Variants in ATP7A observed in about 807,000 individuals in gnomAD.
ATP7A encodes the protein ATPase copper transporting alpha, also known as copper-transporting ATPase 1.
A neutral mutation model predicts 83.5 loss-of-function variants in ATP7A; 7 were observed. That is an observed-to-expected ratio of 0.08 (90% CI 0.05 to 0.16). The LOEUF (loss-of-function observed/expected upper bound fraction) is 0.16. Among genes scored for constraint, ATP7A ranks in the 10% least tolerant of loss-of-function variants. The pLI, the probability that ATP7A is intolerant of heterozygous loss-of-function variation, is 1.00. For synonymous variants in ATP7A, 354 were observed against 395.2 expected, an observed-to-expected ratio of 0.90 and a Z score of 1.24; for missense variants, 940 against 1,120.8, an observed-to-expected ratio of 0.84 and a Z score of 2.30.
chrX:77,957,110 T>C (rs2077449517), intron 1 of ATP7A, among the ~76,000 whole-genome samples: 1 of 111,647 alleles, frequency 9.0e-6, no homozygotes, highest in African/African-American at 3.3e-5. Context: ...TATTTCTTTA[T>C]AGCAATATAA....
intron 1 of ATP7A, among the ~76,000 whole-genome samples, chrX:77,961,453 T>G (rs999103128): frequency 8.9e-6 from 1 of 112,093 alleles, no homozygotes; most frequent in South Asian, 3.7e-4. Context: ...TTGAATTTGA[T>G]GTTTTCCCAT....
intron 7 of ATP7A, among the ~76,000 whole-genome samples, chrX:78,010,714 G>A (rs968734199): frequency 1.3e-4 from 14 of 106,733 alleles, no homozygotes; most frequent in African/African-American, 4.1e-4. Flanking sequence ...CGAGCAGCTG[G>A]GATTACAGGC....
chrX:77,981,426 C>T (rs2077604965), intron 2 of ATP7A, among the ~76,000 whole-genome samples: 1 of 112,081 alleles, frequency 8.9e-6, no homozygotes, highest in Non-Finnish European at 1.9e-5. Context: ...TAAAGAGGGA[C>T]TTTCACTATT....
intron 1 of ATP7A, chrX:77,924,442 T>C (rs1413186644): frequency 9.0e-6 from 1 of 111,455 alleles, no homozygotes; most frequent in Non-Finnish European, 1.9e-5. Flanking sequence ...AACCTGCCAG[T>C]TGAAAATTCT....
intron 18 of ATP7A, among the ~76,000 whole-genome samples, chrX:78,040,207 C>A (rs1200797821): frequency 2.9e-5 from 3 of 102,891 alleles, no homozygotes; most frequent in Admixed American, 1.1e-4. Flanking sequence ...CTGCCCCCCC[C>A]CCCTTACCTT....
rs528008637 is a variant in ATP7A, at chrX:77,957,773, T to G, written c.-21-13848T>G. ...AGTAGTTTCATAGTTTCAGATTTTATATTTAAGCATTTAATCCATTTTGAG... is the reference window on the plus strand; with the variant it reads ...AGTAGTTTCATAGTTTCAGATTTTAGATTTAAGCATTTAATCCATTTTGAG... On this transcript the variant is annotated intron_variant, in intron 1 of 22. Transcript: ENST00000341514. Among the ~76,000 whole-genome samples the G allele has an allele frequency of 5.4e-5, 6 of 111,521 alleles. No homozygotes were observed. The East Asian group carries it at 1.1e-3, about 21-fold the overall frequency.
rs1790288220 is a variant in ATP7A at position 78,046,912 on chromosome X, A to G, written c.*342A>G. 5.3e-6 allele frequency: 1 copy of G among 189,691 alleles called. No individual in the cohort carries two copies. Among genetic ancestry groups the G allele is most frequent in the African/African-American group, 3.1e-5 (1 of 32,369 alleles). 15.6% of individuals were successfully genotyped at this position (189,691 alleles called of 1,213,427 possible). On this transcript the variant is annotated 3_prime_UTR_variant, in exon 23 of 23. Transcript: ENST00000341514. ...CCAAAAAAAAAAAGGCCCAAGAAGA[A>G]GAAAATGAAAAATTTGAAGATTTGA...
In ATP7A at chrX:78,009,219, G is replaced by C. The variant is rs782764596; in HGVS notation, c.1825G>C (p.Asp609His). Residue 609 changes from aspartate (D) to histidine (H), a missense_variant, in exon 7 of 23, where the codon GAC becomes CAC. Around this residue, in one of 3 missense-constraint regions of ATP7A, gnomAD observed 204 missense variants for 185.8 expected, o/e 1.10. Transcript: ENST00000341514. ...AACCAACAAAGCACATATTAAATAT[G>C]ACCCAGAAATTATTGGTCCTAGAGA... ...LATNKAHIKY[D>H]PEIIGPRDII... 3.3e-6 allele frequency: 4 copies of C among 1,208,102 alleles called. No individual in the cohort carries two copies. Among genetic ancestry groups the C allele is most frequent in the Non-Finnish European group, 4.5e-6 (4 of 894,358 alleles).
At chrX:77,995,482 C>T (rs868975668) in intron 4 of ATP7A, among the ~76,000 whole-genome samples, 1 of 100,911 alleles carries the variant, frequency 9.9e-6, no homozygotes, top group Non-Finnish European at 2.0e-5. Context: ...GCAGGAGAAA[C>T]GCTTGAACGT....
chrX:77,961,126 C>T (rs920184868), intron 1 of ATP7A, among the ~76,000 whole-genome samples: 16 of 110,709 alleles, frequency 1.4e-4, no homozygotes, highest in Non-Finnish European at 2.6e-4. Flanking sequence ...ATTACGAAAG[C>T]GAAAGAAATA....
chrX:78,036,717 C>G (rs782598111), intron 17 of ATP7A, among the ~76,000 whole-genome samples: 1 of 111,256 alleles, frequency 9.0e-6, no homozygotes, highest in African/African-American at 3.3e-5. Context: ...CCTGTGTCTA[C>G]TAAAAATACA....
chrX:77,958,048 T>TA (rs782596910), intron 1 of ATP7A, among the ~76,000 whole-genome samples: 23 of 111,060 alleles, frequency 2.1e-4, no homozygotes, highest in African/African-American at 7.2e-4. Context: ...ATAAGCAAGA[T>TA]ATGGTGGGGG....
chrX:78,041,945 T>G (rs1040941530), intron 19 of ATP7A, among the ~76,000 whole-genome samples: 7 of 108,775 alleles, frequency 6.4e-5, no homozygotes, highest in Non-Finnish European at 1.3e-4. Context: ...TGGTGAAACC[T>G]TGTCTCTACT....
At chrX:78,014,344 G>A (rs1222452510) in intron 10 of ATP7A, among the ~76,000 whole-genome samples, 8 of 110,022 alleles carry the variant, frequency 7.3e-5, no homozygotes, top group Non-Finnish European at 1.3e-4. Context: ...GGCAGGGGTT[G>A]CAGTGAGCCG....
rs1398375787 is a variant in ATP7A at position 78,020,930 on chromosome X, TA to T, written c.2782-14del. 1 of 1,198,580 alleles carries T rather than the reference TA, an allele frequency of 8.3e-7. No homozygotes were observed. The highest frequency in any genetic ancestry group is 1.8e-5 in the African/African-American group (1 of 56,871). Reference sequence around the variant, plus strand: ...TGCTTCTTCTTCTTATTATTGTTGTTATTTTTAATTCTAGGCTCCTATCCAG... The same window carrying T: ...TGCTTCTTCTTCTTATTATTGTTGTTTTTTTAATTCTAGGCTCCTATCCAG... On this transcript the variant is annotated splice_polypyrimidine_tract_variant and intron_variant, in intron 13 of 22. Transcript: ENST00000341514.
chrX:77,930,738 G>A (rs1410769183), intron 1 of ATP7A, among the ~76,000 whole-genome samples: 2 of 111,342 alleles, frequency 1.8e-5, no homozygotes, highest in African/African-American at 6.5e-5. Context: ...TGTTGTAAAG[G>A]TTAAATGAGT....
intron 7 of ATP7A, among the ~76,000 whole-genome samples, chrX:78,010,570 C>CTTTT (rs5902761): frequency 1.9e-4 from 10 of 51,589 alleles, no homozygotes; most frequent in African/African-American, 2.7e-4. Flanking sequence ...ATGGTGCTAG[C>CTTTT]TTTTTTTTTT....
At chrX:78,029,212 C>G in intron 14 of ATP7A, 38 bp from the exon 15 acceptor site, 1 of 1,181,445 alleles carries the variant, frequency 8.5e-7, no homozygotes, top group Middle Eastern at 2.5e-4. Flanking sequence ...TTGTACAGCT[C>G]TAAATCAATA....
At chrX:78,031,143 A>G (rs2077981719) in intron 15 of ATP7A, among the ~76,000 whole-genome samples, 1 of 112,015 alleles carries the variant, frequency 8.9e-6, no homozygotes, top group Non-Finnish European at 1.9e-5. Flanking sequence ...AATTAGCTCT[A>G]GTTGTTTAAC....
Sources: allele counts gnomAD v4.1 joint callset (sites outside exome capture counted in the v4.1 genomes callset), GRCh38; gene constraint gnomAD v4.1.1; regional missense constraint gnomAD v4.1.1; transcripts MANE v1.5; gene names NCBI Gene and HGNC (gene_info 2026-07-23, HGNC 2026-07-21).